Variants in ITGBL1 observed in about 807,000 individuals in gnomAD.
The protein encoded by ITGBL1 is integrin beta-like protein 1.
ITGBL1 carries 51 observed loss-of-function variants against 68.5 expected under a neutral mutation model. The ratio of observed to expected loss-of-function variants is 0.74; its 90% CI spans 0.59 to 0.94. The LOEUF (loss-of-function observed/expected upper bound fraction) is 0.94, where lower values mean the gene tolerates loss of function less well. Ranked by LOEUF, ITGBL1 falls within the 40% of genes least tolerant of loss-of-function variation. The pLI is 0.00. For synonymous variants in ITGBL1, 209 were observed against 227.3 expected (o/e 0.92, Z 0.72); for missense variants, 649 against 647.4 (o/e 1.00, Z -0.03).
chr13:101,665,446 T>C (rs2033191850), intron 7 of ITGBL1, among the ~76,000 whole-genome samples: 1 of 152,042 alleles, frequency 6.6e-6, no homozygotes, highest in African/African-American at 2.4e-5. Context: ...TATAAAAATA[T>C]AACTATTTTT....
chr13:101,471,510 ATGTGTG>A (rs10634284), intron 2 of ITGBL1, among the ~76,000 whole-genome samples: 27 of 133,858 alleles, frequency 2.0e-4, no homozygotes, highest in African/African-American at 8.5e-4. Flanking sequence ...ACAAATATAT[ATGTGTG>A]TGTGTGTGTG....
intron 2 of ITGBL1, among the ~76,000 whole-genome samples, chr13:101,518,324 T>G (rs550294245): frequency 6.6e-5 from 10 of 152,316 alleles, no homozygotes; most frequent in Admixed American, 2.6e-4. Context: ...TCAATCGTTA[T>G]GTTAAGATAC....
chr13:101,709,143 A>C (rs1360656891), intron 9 of ITGBL1, among the ~76,000 whole-genome samples: 1 of 151,906 alleles, frequency 6.6e-6, no homozygotes, highest in African/African-American at 2.4e-5. Flanking sequence ...AGGCGGGTGG[A>C]TCATGAGGTC....
chr13:101,462,429 T>C (rs2048329969), intron 2 of ITGBL1, among the ~76,000 whole-genome samples: 1 of 152,208 alleles, frequency 6.6e-6, no homozygotes, highest in African/African-American at 2.4e-5. Context: ...TCCTATAAAG[T>C]GCAGGGCACT....
intron 7 of ITGBL1, among the ~76,000 whole-genome samples, chr13:101,621,813 G>C (rs1566761853): frequency 2.0e-5 from 3 of 152,230 alleles, no homozygotes; most frequent in Non-Finnish European, 1.5e-5. Flanking sequence ...ACAAATTAAA[G>C]TTTGAGGGGA....
chr13:101,462,010 G>A (rs2048324579), intron 2 of ITGBL1, among the ~76,000 whole-genome samples: 1 of 152,160 alleles, frequency 6.6e-6, no homozygotes, highest in Non-Finnish European at 1.5e-5. Flanking sequence ...TTGGTGTTGA[G>A]ATAATTTAGT....
intron 2 of ITGBL1, among the ~76,000 whole-genome samples, chr13:101,532,312 A>G (rs1442319448): frequency 6.6e-6 from 1 of 152,214 alleles, no homozygotes; most frequent in Non-Finnish European, 1.5e-5. Flanking sequence ...TATTCAGTAC[A>G]TTATCTATCA....
intron 7 of ITGBL1, among the ~76,000 whole-genome samples, chr13:101,647,456 A>C (rs1313486612): frequency 6.6e-6 from 1 of 152,188 alleles, no homozygotes; most frequent in African/African-American, 2.4e-5. Context: ...GCTACTGACA[A>C]AGTCAACAAG....
intron 2 of ITGBL1, among the ~76,000 whole-genome samples, chr13:101,558,878 A>G (rs139029333): frequency 6.6e-6 from 1 of 150,606 alleles, no homozygotes; most frequent in East Asian, 2.0e-4. Flanking sequence ...CTGAATCCCA[A>G]ACTAGTGCTT....
At chr13:101,460,548 C>A (rs2048304429) in intron 2 of ITGBL1, among the ~76,000 whole-genome samples, 1 of 152,170 alleles carries the variant, frequency 6.6e-6, no homozygotes. Context: ...AGCAATTTTC[C>A]TCAATTGTAC....
intron 8 of ITGBL1, among the ~76,000 whole-genome samples, chr13:101,704,484 TAAAAAAAA>T (rs57687698): frequency 5.7e-5 from 6 of 105,370 alleles, no homozygotes; most frequent in Non-Finnish European, 1.1e-4. Context: ...ATTCATTCAG[TAAAAAAAA>T]AAAAAAAAAA....
chr13:101,632,197 C>T (rs1594942554), intron 7 of ITGBL1, among the ~76,000 whole-genome samples: 1 of 151,788 alleles, frequency 6.6e-6, no homozygotes, highest in East Asian at 1.9e-4. Context: ...ATATATAAAC[C>T]ACTTTTATTA....
chr13:101,540,707 G>A (rs1412470997), intron 2 of ITGBL1, among the ~76,000 whole-genome samples: 6 of 152,230 alleles, frequency 3.9e-5, no homozygotes, highest in Middle Eastern at 3.4e-3. Flanking sequence ...TCTTCCATTC[G>A]TTTGTATGCT....
At chr13:101,704,732 A>C (rs2034216583) in intron 8 of ITGBL1, among the ~76,000 whole-genome samples, 1 of 152,142 alleles carries the variant, frequency 6.6e-6, no homozygotes, top group Non-Finnish European at 1.5e-5. Flanking sequence ...GAGTGTAGAC[A>C]TTGGAATCAG....
rs2033908464 is a variant in ITGBL1 at position 101,692,737 on chromosome 13, T to C, written c.1132+36T>C. 8 of 1,313,530 alleles carry C rather than the reference T, an allele frequency of 6.1e-6. No homozygotes were observed. The South Asian group carries it at 9.5e-5, about 16-fold the overall frequency. The allele number at this position is 1,313,530 out of a possible 1,614,324, so 81.4% of individuals were successfully genotyped here. ...TTCTCATAGCTGTATGCTACCTGCA[T>C]GCAACTTGCTTTACCTGCCTTTGTT... On this transcript the variant is annotated intron_variant, in intron 8 of 10. Transcript: ENST00000376180.
chr13:101,463,113 A>C (rs564830255), intron 2 of ITGBL1, among the ~76,000 whole-genome samples: 1 of 152,304 alleles, frequency 6.6e-6, no homozygotes, highest in South Asian at 2.1e-4. Flanking sequence ...ATGAGTGATT[A>C]ATAAATCACT....
At chr13:101,586,115 A>C (rs367758766) in intron 6 of ITGBL1, among the ~76,000 whole-genome samples, 6 of 152,286 alleles carry the variant, frequency 3.9e-5, no homozygotes, top group Admixed American at 3.3e-4. Context: ...TGCTTACTCT[A>C]GGCTGAGCAG....
rs182929559 is a variant in ITGBL1, at chr13:101,545,124, C to T, written c.317-22575C>T. 5.9e-5 allele frequency among the ~76,000 whole-genome samples: 9 copies of T among 152,312 alleles called. No homozygotes were observed. The East Asian group carries it at 1.5e-3, about 26-fold the overall frequency. On this transcript the variant is annotated intron_variant, in intron 2 of 10. Coordinates refer to ENST00000376180, the MANE Select transcript of ITGBL1 (RefSeq NM_004791.3). ...GTACCTCAGTTGGAAATGCAAAAAT[C>T]GCCCATCTTCTGCGTCGCTCACACT...
intron 7 of ITGBL1, among the ~76,000 whole-genome samples, chr13:101,605,931 T>C (rs2030804861): frequency 6.7e-6 from 1 of 148,538 alleles, no homozygotes; most frequent in Admixed American, 6.8e-5. Context: ...TAGACATATG[T>C]ATGCGTGTAT....
Sources: allele counts gnomAD v4.1 joint callset (sites outside exome capture counted in the v4.1 genomes callset), GRCh38; gene constraint gnomAD v4.1.1; transcripts MANE v1.5; gene names NCBI Gene and HGNC (gene_info 2026-07-23, HGNC 2026-07-21).